ZMAT4: variants seen among roughly 807,000 people sequenced by gnomAD.
ZMAT4 encodes zinc finger matrin-type 4.
A neutral mutation model predicts 28.7 loss-of-function variants in ZMAT4; 17 were observed. That is an observed-to-expected ratio of 0.59 (90% CI 0.41 to 0.89). ZMAT4 has a LOEUF of 0.89. Ranked by LOEUF, ZMAT4 falls within the 40% of genes least tolerant of loss-of-function variation. ZMAT4 has a pLI of 0.00. For synonymous variants in ZMAT4, 117 were observed against 109.2 expected (o/e 1.07, Z -0.44); for missense variants, 240 against 283.8 (o/e 0.85, Z 1.11).
intron 3 of ZMAT4, among the ~76,000 whole-genome samples, chr8:40,707,160 C>T (rs572652391): frequency 1.2e-4 from 18 of 152,068 alleles, no homozygotes; most frequent in Non-Finnish European, 2.2e-4. Context: ...CCGGGACATC[C>T]CACCACAAAG....
At chr8:40,849,188 A>T (rs760751522) in intron 1 of ZMAT4, among the ~76,000 whole-genome samples, 1 of 152,248 alleles carries the variant, frequency 6.6e-6, no homozygotes, top group Non-Finnish European at 1.5e-5. Context: ...GGGGCGTGGG[A>T]GGAATTGACA....
chr8:40,870,413 G>A (rs1817815886), intron 1 of ZMAT4, among the ~76,000 whole-genome samples: 1 of 152,162 alleles, frequency 6.6e-6, no homozygotes, highest in Non-Finnish European at 1.5e-5. Flanking sequence ...CTGTTAATCT[G>A]TCTTACGTCA....
At chr8:40,766,524 C>T (rs1239104414) in intron 3 of ZMAT4, among the ~76,000 whole-genome samples, 1 of 152,168 alleles carries the variant, frequency 6.6e-6, no homozygotes, top group African/African-American at 2.4e-5. Context: ...TAGACTCAGT[C>T]CCGGCTCTTA....
intron 3 of ZMAT4, among the ~76,000 whole-genome samples, chr8:40,755,886 G>A (rs1333304704): frequency 6.6e-6 from 1 of 152,128 alleles, no homozygotes; most frequent in Non-Finnish European, 1.5e-5. Flanking sequence ...TTGGCCAGTG[G>A]TTATTTTCTG....
intron 3 of ZMAT4, among the ~76,000 whole-genome samples, chr8:40,726,290 G>A (rs578024849): frequency 9.2e-5 from 14 of 152,316 alleles, no homozygotes; most frequent in Admixed American, 4.6e-4. Flanking sequence ...TGGTTCAAAT[G>A]CATTTTTCTC....
At chr8:40,706,034 A>G (rs1810334646) in intron 3 of ZMAT4, among the ~76,000 whole-genome samples, 1 of 152,052 alleles carries the variant, frequency 6.6e-6, no homozygotes, top group Non-Finnish European at 1.5e-5. Flanking sequence ...CTGAGTATTT[A>G]CTTATTTATT....
intron 5 of ZMAT4, among the ~76,000 whole-genome samples, chr8:40,653,971 C>T (rs1807804793): frequency 6.6e-6 from 1 of 152,128 alleles, no homozygotes; most frequent in South Asian, 2.1e-4. Flanking sequence ...CGGGTTGGTT[C>T]CTCCTTCATA....
intron 5 of ZMAT4, 131 bp downstream of exon 5, chr8:40,674,573 A>G (rs561739065): frequency 1.4e-6 from 1 of 692,820 alleles, no homozygotes; most frequent in South Asian, 2.0e-5. Context: ...TTTCTTGTCC[A>G]TTTCTTTTGG....
At chr8:40,593,764 A>T (rs1455363478) in intron 5 of ZMAT4, among the ~76,000 whole-genome samples, 2 of 152,138 alleles carry the variant, frequency 1.3e-5, no homozygotes, top group Non-Finnish European at 2.9e-5. Context: ...TTAAAACCAG[A>T]TTACACTCTT....
rs1161999066 is a variant in ZMAT4, at chr8:40,825,640, C to G, written c.37G>C (p.Asp13His). ...GCACTGCACACCTTGCAGTAACTGT[C>G]TGTGAATAAATCCTGATCAATATCG... Reference protein sequence around the residue: ...SSDIDQDLFTDSYCKVCSAQL... With the variant: ...SSDIDQDLFTHSYCKVCSAQL... The change falls in exon 2 of 7, where the codon GAC (aspartate) becomes CAC (histidine). Residue 13 changes from aspartate to histidine, a missense_variant. By Grantham distance (81) the Asp-to-His change is moderately conservative. Coordinates refer to ENST00000297737, the MANE Select transcript of ZMAT4 (RefSeq NM_024645.3). 4.5e-6 allele frequency: 7 copies of G among 1,555,464 alleles called. No individual in the cohort carries two copies. In the African/African-American group the frequency reaches 9.5e-5, roughly 21 times the overall value.
chr8:40,731,755 T>C (rs75404928), intron 3 of ZMAT4, among the ~76,000 whole-genome samples: 8,670 of 152,230 alleles, frequency 0.057, 320 homozygotes, highest in East Asian at 0.081. Flanking sequence ...AAATAAGAAT[T>C]AGAGATATTC....
chr8:40,800,230 G>A (rs1409971900), intron 2 of ZMAT4, among the ~76,000 whole-genome samples: 15 of 152,164 alleles, frequency 9.9e-5, no homozygotes, highest in Admixed American at 2.0e-4. Flanking sequence ...ATAACAAGGC[G>A]TCAAAACACA....
intron 6 of ZMAT4, among the ~76,000 whole-genome samples, chr8:40,547,607 T>TG (rs1439682300): frequency 2.6e-5 from 4 of 152,196 alleles, no homozygotes; most frequent in African/African-American, 9.6e-5. Context: ...GATTTAGAGC[T>TG]GGGCACTCTT....
intron 1 of ZMAT4, among the ~76,000 whole-genome samples, chr8:40,867,949 A>G (rs1373963342): frequency 6.6e-6 from 1 of 152,186 alleles, no homozygotes; most frequent in Non-Finnish European, 1.5e-5. Context: ...AAAAAATTAA[A>G]GGATTTGCCT....
chr8:40,633,452 C>T (rs1318922742), intron 5 of ZMAT4, among the ~76,000 whole-genome samples: 1 of 152,072 alleles, frequency 6.6e-6, no homozygotes, highest in Non-Finnish European at 1.5e-5. Context: ...CTGGGACCCT[C>T]GGCAGTGTGA....
At chr8:40,639,271 T>C (rs1459420528) in intron 5 of ZMAT4, among the ~76,000 whole-genome samples, 1 of 152,196 alleles carries the variant, frequency 6.6e-6, no homozygotes, top group Non-Finnish European at 1.5e-5. Flanking sequence ...AAATTGGGGA[T>C]ATAAAGACTG....
At chr8:40,729,887 A>T (rs1811464996) in intron 3 of ZMAT4, among the ~76,000 whole-genome samples, 1 of 152,136 alleles carries the variant, frequency 6.6e-6, no homozygotes, top group Admixed American at 6.6e-5. Flanking sequence ...CCGCTTGAGC[A>T]TATATTTCTT....
At chr8:40,749,020 G>GATTT (rs1812352818) in intron 3 of ZMAT4, among the ~76,000 whole-genome samples, 1 of 152,062 alleles carries the variant, frequency 6.6e-6, no homozygotes, top group African/African-American at 2.4e-5. Context: ...TTTTATAAGG[G>GATTT]GTAACCCCTT....
chr8:40,789,115 G>A (rs118128511), intron 2 of ZMAT4, among the ~76,000 whole-genome samples: 2,086 of 151,238 alleles, frequency 0.014, 28 homozygotes, highest in Non-Finnish European at 0.021. Flanking sequence ...GAAGAAGGGA[G>A]AAGAAAATTC....
Sources: allele counts gnomAD v4.1 joint callset (sites outside exome capture counted in the v4.1 genomes callset), GRCh38; gene constraint gnomAD v4.1.1; transcripts MANE v1.5; gene names NCBI Gene and HGNC (gene_info 2026-07-23, HGNC 2026-07-21).